The following MED19 variants were observed in gnomAD, a reference collection of about 807,000 sequenced individuals.
MED19 encodes mediator complex subunit 19, also known as mediator of RNA polymerase II transcription subunit 19.
A neutral mutation model predicts 19.9 loss-of-function variants in MED19; 4 were observed. That is an observed-to-expected ratio of 0.20 (90% CI 0.10 to 0.46). MED19 has a LOEUF of 0.46. MED19 is among the 20% of genes least tolerant of loss of function. MED19 has a pLI of 0.99. For synonymous variants in MED19, 139 were observed against 119.6 expected, an observed-to-expected ratio of 1.16 and a Z score of -1.06; for missense variants, 303 against 318.7, an observed-to-expected ratio of 0.95 and a Z score of 0.38.
At chr11:57,705,381 G>A (rs1946497127) in intron 1 of MED19, 152 bp from the exon 2 acceptor site, 1 of 928,282 alleles carries the variant, frequency 1.1e-6, no homozygotes. Context: ...GCCGGATGCA[G>A]TGGCTCATGC....
chr11:57,711,999 C>T (rs1327124832), exon 1 of MED19: 1 of 1,515,816 alleles, frequency 6.6e-7, no homozygotes, highest in South Asian at 1.2e-5. Flanking sequence ...GGGCCACAGC[C>T]AGCTCCTGAC....
chr11:57,706,391 C>T (rs1416573714), intron 1 of MED19, among the ~76,000 whole-genome samples: 2 of 152,046 alleles, frequency 1.3e-5, no homozygotes, highest in Non-Finnish European at 2.9e-5. Flanking sequence ...TGATCCGCCA[C>T]CCCCCGCCGC....
At chr11:57,712,099 C>A in exon 1 of MED19, 1 of 1,526,780 alleles carries the variant, frequency 6.5e-7, no homozygotes, top group Non-Finnish European at 8.8e-7. Context: ...GGGGTGGAGG[C>A]TTTCCTGGTC....
chr11:57,707,520 A>G (rs1196751716), intron 1 of MED19, among the ~76,000 whole-genome samples: 1 of 152,208 alleles, frequency 6.6e-6, no homozygotes, highest in African/African-American at 2.4e-5. Context: ...CTTAATAAAT[A>G]TTTATTAAAT....
rs1461739127 is a variant in MED19, at chr11:57,710,759, A to G, written c.217+1204T>C. Reference sequence around the variant, plus strand: ...TGCCCAGGCTGGAGTGCAGTGGCACAATCTTGGTTCACTGCAGCCTCGACC... The same window carrying G: ...TGCCCAGGCTGGAGTGCAGTGGCACGATCTTGGTTCACTGCAGCCTCGACC... On this transcript the variant is annotated intron_variant, in intron 1 of 4. Transcript: ENST00000431606. Among the ~76,000 whole-genome samples, 8 of 152,060 alleles carry G rather than the reference A, an allele frequency of 5.3e-5. No individual in the cohort carries two copies. In the East Asian group the frequency reaches 1.4e-3, roughly 26 times the overall value.
At chr11:57,704,669 G>GTTTTTTTTTTTTTTTT (rs34198151) in intron 3 of MED19, 50 bp downstream of exon 3, 62 of 1,287,716 alleles carry the variant, frequency 4.8e-5, no homozygotes, top group South Asian at 9.9e-5. Context: ...AGAAGGTCAG[G>GTTTTTTTTTTTTTTTT]TTTTTTTTTT....
chr11:57,705,578 C>T (rs1004884595), intron 1 of MED19, among the ~76,000 whole-genome samples: 7 of 149,284 alleles, frequency 4.7e-5, no homozygotes, highest in South Asian at 4.4e-4. Context: ...CACTTGAACC[C>T]GGGAGGTGGA....
exon 5 of MED19, chr11:57,704,030 T>C: frequency 6.5e-7 from 1 of 1,536,088 alleles, no homozygotes; most frequent in Non-Finnish European, 8.7e-7. Context: ...AAGAGTCCAG[T>C]GGTCCTATTA....
At chr11:57,709,122 C>T (rs1027618684) in intron 1 of MED19, among the ~76,000 whole-genome samples, 11 of 152,212 alleles carry the variant, frequency 7.2e-5, no homozygotes, top group Non-Finnish European at 1.5e-4. Flanking sequence ...TGGCTCACGC[C>T]TGTAATCCTG....
chr11:57,706,679 G>A (rs1946511329), intron 1 of MED19, among the ~76,000 whole-genome samples: 2 of 152,098 alleles, frequency 1.3e-5, no homozygotes, highest in Admixed American at 1.3e-4. Context: ...GTTGCAGTGA[G>A]CTGAGATCAG....
At position 57,712,088 on chromosome 11, in the gene MED19, G is replaced by C. The variant is rs1017012350; in HGVS notation, c.92C>G (p.Pro31Arg). 9 of 1,529,364 alleles carry C rather than the reference G, an allele frequency of 5.9e-6. No individual in the cohort carries two copies. In the South Asian group the frequency reaches 1.1e-4, roughly 19 times the overall value. The allele number at this position is 1,529,364 out of a possible 1,614,324, so 94.7% of individuals were successfully genotyped here. ...TCCCCCGCCCGCAGGAGGCGGTGGCGGGGGTGGAGGCTTTCCTGGTCCGAA... is the reference window on the plus strand; with the variant it reads ...TCCCCCGCCCGCAGGAGGCGGTGGCCGGGGTGGAGGCTTTCCTGGTCCGAA... The change falls in exon 1 of 5, where the codon CCG (proline) becomes CGG (arginine). Residue 31 changes from proline (P) to arginine (R), a missense_variant. By Grantham distance (103) the Pro-to-Arg change is moderately radical (BLOSUM62 -2). This residue lies in a region of MED19 where 274 missense variants were observed against 259.2 expected (regional missense o/e 1.06). Coordinates refer to ENST00000431606, the Ensembl canonical transcript of MED19.
chr11:57,706,093 A>G (rs562393991), intron 1 of MED19, among the ~76,000 whole-genome samples: 1 of 152,184 alleles, frequency 6.6e-6, no homozygotes, highest in African/African-American at 2.4e-5. Flanking sequence ...CTTGTTACCA[A>G]CATCTTTATT....
chr11:57,706,432 T>C (rs1946508711), intron 1 of MED19, among the ~76,000 whole-genome samples: 1 of 151,840 alleles, frequency 6.6e-6, no homozygotes, highest in African/African-American at 2.4e-5. Context: ...GGATTACAGG[T>C]GTGAGCCACA....
Position 57,704,112 on chromosome 11 carries a change from GGAGA to G in MED19, c.667-10_667-7del. ...TGGTCTGGACTATGTCGATTCTGGG[GGAGA>G]AAGAAGCAGGGTAAGAACAACTAGG... On this transcript the variant is annotated splice_region_variant and splice_polypyrimidine_tract_variant and intron_variant, in intron 4 of 4. Transcript: ENST00000431606. The G allele has an allele frequency of 6.5e-7, 1 of 1,536,174 alleles. No individual in the cohort carries two copies. Among genetic ancestry groups the G allele is most frequent in the South Asian group, 1.2e-5 (1 of 84,066 alleles).
In MED19 at chr11:57,709,853, G is replaced by C. The variant is rs576981705; in HGVS notation, c.217+2110C>G. 2.0e-5 allele frequency among the ~76,000 whole-genome samples: 3 copies of C among 152,218 alleles called. No individual in the cohort carries two copies. In the East Asian group the frequency reaches 5.8e-4, roughly 29 times the overall value. On this transcript the variant is annotated intron_variant, in intron 1 of 4. Transcript: ENST00000431606. ...TGGGATTACTGGCGTGAGCCACAGC[G>C]CCTGGCCCTGTATTCAATTTTTCAA...
chr11:57,704,700 G>GTTTTA lies in MED19; in HGVS notation c.571+18_571+19insTAAAA. The GTTTTA allele has an allele frequency of 3.3e-6, 2 of 602,542 alleles. No individual in the cohort carries two copies. The highest frequency in any genetic ancestry group is 3.0e-5 in the South Asian group (1 of 33,308). 37.3% of individuals were successfully genotyped at this position (602,542 alleles called of 1,614,324 possible). A position where few individuals can be genotyped will look rare whatever the true frequency, so the allele number is the denominator to read the frequency against. On this transcript the variant is annotated intron_variant, in intron 3 of 4. Coordinates refer to ENST00000431606, the Ensembl canonical transcript of MED19. The stretch of plus-strand genomic sequence containing the variant: ...TTTTTTTTTTTTTTTTTTTTGCTTT[G>GTTTTA]AATAGAACTGCTTCTTACCTGGGGG...
At chr11:57,703,995 T>C (rs1297304078) in exon 5 of MED19, 3 of 1,534,708 alleles carry the variant, frequency 2.0e-6, no homozygotes, top group Non-Finnish European at 2.6e-6. Flanking sequence ...GCAGGTTCAG[T>C]ACAGCAGGAA....
At chr11:57,705,046 G>A (rs762458712) in exon 2 of MED19, 1 of 1,614,104 alleles carries the variant, frequency 6.2e-7, no homozygotes. Flanking sequence ...GAGAATAGGG[G>A]GCTTCTCAAT....
At chr11:57,712,134 G>A in exon 1 of MED19, 3 of 1,531,302 alleles carry the variant, frequency 2.0e-6, no homozygotes, top group Non-Finnish European at 2.6e-6. Flanking sequence ...GTTGGGGGCG[G>A]TGGTGGGTCA....
Sources: gnomAD v4.1 joint callset for allele counts (sites outside exome capture counted in the v4.1 genomes callset) on GRCh38, gnomAD v4.1.1 for gene constraint, gnomAD v4.1.1 regional missense constraint, MANE v1.5 for transcripts, NCBI Gene and HGNC (gene_info 2026-07-23, HGNC 2026-07-21) for gene names.